Variants in NDST3 observed in about 807,000 individuals in gnomAD.
NDST3 encodes N-deacetylase and N-sulfotransferase 3.
NDST3 carries 58 observed loss-of-function variants against 96.1 expected under a neutral mutation model. The observed-to-expected ratio is 0.60, with a 90% CI of 0.49 to 0.75. NDST3 has a LOEUF of 0.75. NDST3 is among the 30% of genes least tolerant of loss of function. The probability of loss-of-function intolerance (pLI) is 0.00; values close to 1 mark genes in which losing one functional copy is unlikely to be tolerated. For missense variants in NDST3, 788 were observed against 1,034.2 expected (o/e 0.76, Z 3.27); for synonymous variants, 333 against 359.7 (o/e 0.93, Z 0.84).
chr4:118,248,104 AC>A (rs1741436689), intron 12 of NDST3, among the ~76,000 whole-genome samples: 1 of 152,194 alleles, frequency 6.6e-6, no homozygotes, highest in Non-Finnish European at 1.5e-5. Context: ...TAATCCTAAC[AC>A]TTTAAGAGGC....
At chr4:118,133,083 T>C (rs1732771739) in intron 4 of NDST3, among the ~76,000 whole-genome samples, 1 of 152,078 alleles carries the variant, frequency 6.6e-6, no homozygotes. Flanking sequence ...TCTCCCTAGG[T>C]CACATGCCAC....
At chr4:118,188,304 A>G (rs1737099365) in intron 6 of NDST3, among the ~76,000 whole-genome samples, 2 of 148,016 alleles carry the variant, frequency 1.4e-5, no homozygotes, top group Admixed American at 1.4e-4. Flanking sequence ...ATTATATATT[A>G]TTAATATATA....
intron 2 of NDST3, among the ~76,000 whole-genome samples, chr4:118,059,522 A>G (rs910850861): frequency 6.6e-6 from 1 of 152,164 alleles, no homozygotes; most frequent in Non-Finnish European, 1.5e-5. Context: ...AATAAGAGGT[A>G]TCAAGCTCAG....
chr4:118,121,107 C>T (rs1382801920), intron 4 of NDST3, among the ~76,000 whole-genome samples: 2 of 152,120 alleles, frequency 1.3e-5, no homozygotes, highest in African/African-American at 4.8e-5. Flanking sequence ...TTTAGTATAT[C>T]AACCTCCTGC....
chr4:118,210,399 T>C (rs1738709698), intron 6 of NDST3, among the ~76,000 whole-genome samples: 1 of 152,082 alleles, frequency 6.6e-6, no homozygotes, highest in Non-Finnish European at 1.5e-5. Context: ...TGCCCTTTTT[T>C]CCAAAGACAG....
chr4:118,145,181 C>T (rs1175372721), intron 6 of NDST3, among the ~76,000 whole-genome samples: 1 of 152,052 alleles, frequency 6.6e-6, no homozygotes, highest in African/African-American at 2.4e-5. Context: ...TCTCTTTTTT[C>T]TCAATTCAGC....
intron 6 of NDST3, among the ~76,000 whole-genome samples, chr4:118,167,885 C>CATA (rs2125933330): frequency 6.6e-6 from 1 of 152,018 alleles, no homozygotes; most frequent in Non-Finnish European, 1.5e-5. Flanking sequence ...GGACCCTTAT[C>CATA]ATACACCATA....
At chr4:118,139,909 C>CT (rs756697370) in intron 5 of NDST3, among the ~76,000 whole-genome samples, 24 of 152,140 alleles carry the variant, frequency 1.6e-4, no homozygotes, top group Non-Finnish European at 2.8e-4. Flanking sequence ...CTGCTTCCTA[C>CT]TTTATCTATT....
intron 6 of NDST3, among the ~76,000 whole-genome samples, chr4:118,174,964 T>A (rs1284578203): frequency 6.6e-6 from 1 of 152,138 alleles, no homozygotes; most frequent in African/African-American, 2.4e-5. Flanking sequence ...CTTTCACATT[T>A]TATAATCCTC....
intron 5 of NDST3, among the ~76,000 whole-genome samples, chr4:118,141,395 A>T (rs1029943679): frequency 6.6e-6 from 1 of 152,096 alleles, no homozygotes; most frequent in African/African-American, 2.4e-5. Context: ...CACACTCCTG[A>T]TCATCTCCTT....
At chr4:118,033,699 T>C (rs1723998877), upstream of NDST3, 1 of 151,670 alleles carries the variant, frequency 6.6e-6, no homozygotes, top group Non-Finnish European at 1.5e-5. Context: ...CCCGCTGCGC[T>C]CGCCCCGCAG....
At chr4:118,042,810 TTCAAG>T (rs1560604240) in intron 1 of NDST3, among the ~76,000 whole-genome samples, 1 of 152,204 alleles carries the variant, frequency 6.6e-6, no homozygotes, top group African/African-American at 2.4e-5. Context: ...GCATGTCACT[TTCAAG>T]CACCATGTCT....
intron 1 of NDST3, among the ~76,000 whole-genome samples, chr4:118,039,484 A>C (rs1035675062): frequency 1.3e-5 from 2 of 152,242 alleles, no homozygotes; most frequent in African/African-American, 4.8e-5. Flanking sequence ...AAAATATAGA[A>C]GTGAACAGGA....
intron 4 of NDST3, among the ~76,000 whole-genome samples, chr4:118,117,867 T>C (rs955189194): frequency 8.5e-5 from 13 of 152,172 alleles, no homozygotes; most frequent in Admixed American, 7.2e-4. Flanking sequence ...CTGCTGGTAA[T>C]CCAAGGGAAT....
chr4:118,116,450 G>A (rs1179411169), intron 4 of NDST3, among the ~76,000 whole-genome samples: 1 of 151,494 alleles, frequency 6.6e-6, no homozygotes, highest in African/African-American at 2.4e-5. Flanking sequence ...GTCATTCACT[G>A]TTACATCTGC....
intron 2 of NDST3, 62 bp downstream of exon 2, chr4:118,054,953 C>G (rs749383392): frequency 3.1e-6 from 5 of 1,591,548 alleles, no homozygotes; most frequent in Non-Finnish European, 4.3e-6. Context: ...ATACAACTAT[C>G]CCAGTTTGTA....
chr4:118,235,301 G>T (rs1334730697), intron 9 of NDST3, among the ~76,000 whole-genome samples: 8 of 152,058 alleles, frequency 5.3e-5, no homozygotes, highest in Non-Finnish European at 1.2e-4. Context: ...GAGCTTCAAG[G>T]TCTCATACTA....
chr4:118,081,679 G>A (rs1728035593), intron 2 of NDST3, among the ~76,000 whole-genome samples: 2 of 152,040 alleles, frequency 1.3e-5, no homozygotes, highest in African/African-American at 2.4e-5. Flanking sequence ...TACATTTAAA[G>A]GGAAAAAATG....
At chr4:118,145,304 T>A (rs1402689350) in intron 6 of NDST3, among the ~76,000 whole-genome samples, 2 of 152,200 alleles carry the variant, frequency 1.3e-5, no homozygotes, top group African/African-American at 4.8e-5. Flanking sequence ...TTTAAGCACT[T>A]TAATCTATCA....
Sources: allele counts gnomAD v4.1 joint callset (sites outside exome capture counted in the v4.1 genomes callset), GRCh38; gene constraint gnomAD v4.1.1; transcripts MANE v1.5; gene names NCBI Gene and HGNC (gene_info 2026-07-23, HGNC 2026-07-21).